NEGR1: variants seen among roughly 807,000 people sequenced by gnomAD.
NEGR1 encodes IgLON family member 4.
A neutral mutation model predicts 40.9 loss-of-function variants in NEGR1; 10 were observed. The observed-to-expected ratio is 0.24, with a 90% CI of 0.15 to 0.42. NEGR1 has a LOEUF of 0.42. NEGR1 is among the 10% of genes least tolerant of loss of function. The probability of loss-of-function intolerance (pLI) is 1.00; values close to 1 mark genes in which losing one functional copy is unlikely to be tolerated. For synonymous variants in NEGR1, 185 were observed against 166.8 expected (o/e 1.11, Z -0.84); for missense variants, 352 against 438.9 (o/e 0.80, Z 1.77).
chr1:71,811,601 G>T (rs930730268), intron 2 of NEGR1, among the ~76,000 whole-genome samples: 5 of 150,510 alleles, frequency 3.3e-5, no homozygotes, highest in African/African-American at 4.9e-5. Flanking sequence ...TTATAAGTAA[G>T]TAATTATATT....
chr1:71,740,918 T>C (rs1655192694), intron 3 of NEGR1, among the ~76,000 whole-genome samples: 1 of 152,164 alleles, frequency 6.6e-6, no homozygotes, highest in South Asian at 2.1e-4. Context: ...TTTTCAGGTA[T>C]TATTTGGTCA....
intron 1 of NEGR1, among the ~76,000 whole-genome samples, chr1:72,050,623 T>C (rs890938283): frequency 6.6e-6 from 1 of 151,564 alleles, no homozygotes; most frequent in Non-Finnish European, 1.5e-5. Flanking sequence ...TTGTTTATTA[T>C]TGGATGTGGT....
chr1:71,559,556 C>T (rs917454289), intron 6 of NEGR1, among the ~76,000 whole-genome samples: 5 of 151,546 alleles, frequency 3.3e-5, no homozygotes, highest in African/African-American at 1.2e-4. Context: ...GACAAATGCA[C>T]ATAGTTGTAT....
At chr1:72,156,941 TTTGTTG>T (rs71074822) in intron 1 of NEGR1, among the ~76,000 whole-genome samples, 5 of 149,878 alleles carry the variant, frequency 3.3e-5, no homozygotes, top group African/African-American at 4.9e-5. Context: ...TTGTATGTGT[TTTGTTG>T]TTGTTGTTGT....
At chr1:71,411,555 A>C (rs1402236053) in intron 6 of NEGR1, among the ~76,000 whole-genome samples, 2 of 152,198 alleles carry the variant, frequency 1.3e-5, no homozygotes, top group African/African-American at 4.8e-5. Context: ...ATTAGGCAGT[A>C]TAGGTCATGT....
intron 4 of NEGR1, among the ~76,000 whole-genome samples, chr1:71,688,403 T>TAAAAGATAAATATAA (rs57483006): frequency 3.3e-5 from 1 of 30,148 alleles, no homozygotes; most frequent in African/African-American, 1.2e-4. Context: ...AATATATATA[T>TAAAAGATAAATATAA]AAGATATATA....
At chr1:72,222,139 G>C (rs1374560203) in intron 1 of NEGR1, among the ~76,000 whole-genome samples, 2 of 152,012 alleles carry the variant, frequency 1.3e-5, no homozygotes, top group Non-Finnish European at 2.9e-5. Context: ...CAGATCAAAA[G>C]CCTTCCTTAG....
chr1:71,869,609 G>GA (rs1027265853), intron 2 of NEGR1, among the ~76,000 whole-genome samples: 2 of 151,930 alleles, frequency 1.3e-5, no homozygotes, highest in African/African-American at 4.8e-5. Context: ...GCATATTATG[G>GA]AAAAAGTAGC....
At chr1:71,568,556 G>T (rs940984834) in intron 6 of NEGR1, among the ~76,000 whole-genome samples, 3 of 151,996 alleles carry the variant, frequency 2.0e-5, no homozygotes, top group Admixed American at 1.3e-4. Context: ...GACAAGTTCT[G>T]GTTGAGTATT....
chr1:71,588,644 G>C (rs1257401422), intron 6 of NEGR1, among the ~76,000 whole-genome samples: 8 of 151,966 alleles, frequency 5.3e-5, no homozygotes, highest in Non-Finnish European at 1.2e-4. Context: ...AAAATTATAG[G>C]TCCTCTTACA....
At chr1:71,737,222 T>C (rs1227697471) in intron 3 of NEGR1, among the ~76,000 whole-genome samples, 1 of 152,218 alleles carries the variant, frequency 6.6e-6, no homozygotes, top group Non-Finnish European at 1.5e-5. Flanking sequence ...TATCCCAAAA[T>C]GTCTGTTAAA....
intron 3 of NEGR1, among the ~76,000 whole-genome samples, chr1:71,734,749 A>T (rs1654993850): frequency 6.6e-6 from 1 of 152,146 alleles, no homozygotes; most frequent in African/African-American, 2.4e-5. Flanking sequence ...TGTACCACTG[A>T]AACAGCTTTC....
intron 1 of NEGR1, among the ~76,000 whole-genome samples, chr1:72,062,986 T>C (rs1420994037): frequency 6.6e-6 from 1 of 151,814 alleles, no homozygotes; most frequent in Non-Finnish European, 1.5e-5. Context: ...CTAAAACTAG[T>C]GGGAGGAAAG....
intron 1 of NEGR1, among the ~76,000 whole-genome samples, chr1:72,133,570 T>C (rs1284912132): frequency 1.3e-5 from 2 of 151,964 alleles, no homozygotes; most frequent in Non-Finnish European, 2.9e-5. Flanking sequence ...AACTTGTTAA[T>C]TAAAAAAGTG....
intron 4 of NEGR1, among the ~76,000 whole-genome samples, chr1:71,632,883 C>T (rs1651020848): frequency 6.6e-6 from 1 of 151,892 alleles, no homozygotes. Flanking sequence ...CTTTCATAGG[C>T]TGTGTTTACA....
At chr1:71,975,796 T>G (rs1646297649) in intron 1 of NEGR1, among the ~76,000 whole-genome samples, 1 of 152,228 alleles carries the variant, frequency 6.6e-6, no homozygotes, top group South Asian at 2.1e-4. Context: ...AAACTTTAGA[T>G]AAAATAGATA....
rs756100455 is a variant in NEGR1, at chr1:71,601,065, G to A, written c.789-8097C>T. ...CCTTTCCTTATATCCAATTAGTCAC[G>A]GAAATAAGCAAATACTACCTTTCTT... On this transcript the variant is annotated intron_variant, in intron 5 of 6. Coordinates refer to ENST00000357731, the MANE Select transcript of NEGR1 (RefSeq NM_173808.3). Among the ~76,000 whole-genome samples, 58 of 152,168 alleles carry A rather than the reference G, an allele frequency of 3.8e-4. 1 individual carries two copies. The highest frequency in any genetic ancestry group is 1.2e-3 in the African/African-American group (51 of 41,516).
intron 2 of NEGR1, among the ~76,000 whole-genome samples, chr1:71,806,805 C>G (rs1657787092): frequency 6.6e-6 from 1 of 151,442 alleles, no homozygotes; most frequent in African/African-American, 2.4e-5. Flanking sequence ...ATGAAATTGT[C>G]TTTTGGAACT....
chr1:71,469,363 A>T (rs765117352), intron 6 of NEGR1, among the ~76,000 whole-genome samples: 1 of 152,076 alleles, frequency 6.6e-6, no homozygotes, highest in Non-Finnish European at 1.5e-5. Flanking sequence ...AGTAAGCAGG[A>T]TCACATTGTA....
Sources: gnomAD v4.1 joint callset for allele counts (sites outside exome capture counted in the v4.1 genomes callset) on GRCh38, gnomAD v4.1.1 for gene constraint, MANE v1.5 for transcripts, NCBI Gene and HGNC (gene_info 2026-07-23, HGNC 2026-07-21) for gene names.